SLC22A15: variants seen among roughly 807,000 people sequenced by gnomAD.
SLC22A15 encodes the protein flipt 1.
A neutral mutation model predicts 62.7 loss-of-function variants in SLC22A15; 45 were observed. That is an observed-to-expected ratio of 0.72 (90% CI 0.56 to 0.92). The LOEUF (loss-of-function observed/expected upper bound fraction) is 0.92, where lower values mean the gene tolerates loss of function less well. Ranked by LOEUF, SLC22A15 falls within the 40% of genes least tolerant of loss-of-function variation. The probability of loss-of-function intolerance (pLI) is 0.00; values close to 1 mark genes in which losing one functional copy is unlikely to be tolerated. For missense variants in SLC22A15, 622 were observed against 665.6 expected, an observed-to-expected ratio of 0.93 and a Z score of 0.72; for synonymous variants, 264 against 267.0, an observed-to-expected ratio of 0.99 and a Z score of 0.11.
Position 116,027,030 on chromosome 1 carries a change from G to GT in SLC22A15, c.728+13dup, listed in dbSNP as rs1287942048. ...GGTCTTTCTCTTATCTTTGTAAGTA[G>GT]TTTTTCCTCTTAGAGTTTTAATTTA... On this transcript the variant is annotated intron_variant, in intron 5 of 11. Transcript: ENST00000369503. The GT allele has an allele frequency of 6.8e-6, 11 of 1,611,882 alleles. No individual in the cohort carries two copies. The Admixed American group carries it at 8.4e-5, about 12-fold the overall frequency.
Position 116,026,913 on chromosome 1 carries a change from T to A in SLC22A15, c.619T>A (p.Phe207Ile). 6.2e-7 allele frequency: 1 copy of A among 1,613,620 alleles called. No homozygotes were observed. The highest frequency in any genetic ancestry group is 2.2e-5 in the East Asian group (1 of 44,870). ...ALAGSIGGLF[F>I]AVGIAQYALL... Reference sequence around the variant, plus strand: ...ATTAGGATCGATTGGCGGCCTGTTCTTTGCAGTTGGCATTGCCCAATATGC... The same window carrying A: ...ATTAGGATCGATTGGCGGCCTGTTCATTGCAGTTGGCATTGCCCAATATGC... The change falls in exon 5 of 12, where the codon TTT becomes ATT. Residue 207 changes from phenylalanine to isoleucine, a missense_variant. Phe to Ile is a conservative substitution (Grantham distance 21). Transcript: ENST00000369503.
intron 1 of SLC22A15, among the ~76,000 whole-genome samples, chr1:115,987,164 ATTTTTTTTTT>A (rs1157832035): frequency 7.2e-6 from 1 of 137,988 alleles, no homozygotes; most frequent in African/African-American, 2.8e-5. Flanking sequence ...ATGTAGATAG[ATTTTTTTTTT>A]TTTTTTTTTG....
At position 116,027,006 on chromosome 1, in the gene SLC22A15, G is replaced by A. The variant is rs1426815204; in HGVS notation, c.712G>A (p.Val238Ile). 1 of 1,613,484 alleles carries A rather than the reference G, an allele frequency of 6.2e-7. No homozygotes were observed. The highest frequency in any genetic ancestry group is 8.5e-7 in the Non-Finnish European group (1 of 1,179,724). ...TCTGGTTAACCTGCAGGGAACGGTG[G>A]TCTTTCTCTTATCTTTGTAAGTAGT... ...AILVNLQGTV[V>I]FLLSLFIPES... Residue 238 changes from valine (V) to isoleucine (I), a missense_variant, in exon 5 of 12, where the codon GTC becomes ATC. Val to Ile is a conservative substitution (Grantham distance 29). Transcript: ENST00000369503.
intron 6 of SLC22A15, 50 bp downstream of exon 6, chr1:116,031,631 G>C (rs768139698): frequency 6.2e-7 from 1 of 1,603,960 alleles, no homozygotes; most frequent in Non-Finnish European, 8.5e-7. Flanking sequence ...GGTTGCTCGA[G>C]CTTCTCTTGA....
intron 2 of SLC22A15, chr1:116,015,411 G>A (rs188588077): frequency 6.6e-6 from 1 of 152,126 alleles, no homozygotes; most frequent in African/African-American, 2.4e-5. Flanking sequence ...CTGAGAATCA[G>A]AATTTGGAAT....
At chr1:116,046,008 C>T (rs1393489547) in intron 8 of SLC22A15, among the ~76,000 whole-genome samples, 1 of 151,962 alleles carries the variant, frequency 6.6e-6, no homozygotes, top group Admixed American at 6.6e-5. Flanking sequence ...GAAAACATAA[C>T]CTTTTTAAAA....
intron 1 of SLC22A15, among the ~76,000 whole-genome samples, chr1:115,978,443 A>C (rs1245210426): frequency 6.6e-6 from 1 of 152,150 alleles, no homozygotes; most frequent in Non-Finnish European, 1.5e-5. Flanking sequence ...TGGATGATTT[A>C]TGGTCAGTAT....
chr1:116,032,182 T>G, intron 6 of SLC22A15: 2 of 985,428 alleles, frequency 2.0e-6, no homozygotes, highest in Non-Finnish European at 2.4e-6. Flanking sequence ...TTTCTGGTTG[T>G]TTAGCTTATT....
chr1:116,055,938 C>T (rs1658195889), intron 8 of SLC22A15, among the ~76,000 whole-genome samples: 1 of 147,056 alleles, frequency 6.8e-6, no homozygotes, highest in Non-Finnish European at 1.5e-5. Context: ...GACAAACCCA[C>T]AGGCAATATC....
intron 9 of SLC22A15, among the ~76,000 whole-genome samples, chr1:116,063,299 T>C (rs1658425529): frequency 6.6e-6 from 1 of 152,226 alleles, no homozygotes. Flanking sequence ...GATAATTTCA[T>C]ATAGTAATAA....
rs559932803 is a variant in SLC22A15, at chr1:116,019,690, G to A, written c.409G>A (p.Gly137Arg). Reference sequence around the variant, plus strand: ...TTTTGGTCAGCTTTCAGATCGCTTCGGAAGGAAAAAAGTCTATCTCACAGG... The same window carrying A: ...TTTTGGTCAGCTTTCAGATCGCTTCAGAAGGAAAAAAGTCTATCTCACAGG... The part of the protein sequence containing the change: ...ISFGQLSDRF[G>R]RKKVYLTGFA... The change falls in exon 3 of 12, where the codon GGA becomes AGA. Residue 137 changes from glycine to arginine, a missense_variant. Physicochemically the swap from Gly to Arg is moderately radical, Grantham distance 125. Coordinates refer to ENST00000369503, the MANE Select transcript of SLC22A15 (RefSeq NM_018420.3). 3.2e-5 allele frequency: 52 copies of A among 1,612,350 alleles called. No individual in the cohort carries two copies. The highest frequency in any genetic ancestry group is 1.7e-4 in the Middle Eastern group (1 of 6,058).
At chr1:116,023,548 A>G (rs1459414337) in intron 4 of SLC22A15, among the ~76,000 whole-genome samples, 3 of 152,204 alleles carry the variant, frequency 2.0e-5, no homozygotes, top group Non-Finnish European at 4.4e-5. Flanking sequence ...TCATTTATTA[A>G]ACGGATTCTG....
chr1:115,991,474 T>C (rs916386249), intron 1 of SLC22A15, among the ~76,000 whole-genome samples: 3 of 152,220 alleles, frequency 2.0e-5, no homozygotes, highest in Non-Finnish European at 2.9e-5. Flanking sequence ...CTGTATATCA[T>C]ATTTTAAAAT....
At chr1:116,058,054 T>TAAG (rs1327868174) in intron 8 of SLC22A15, among the ~76,000 whole-genome samples, 5 of 149,040 alleles carry the variant, frequency 3.4e-5, no homozygotes, top group African/African-American at 1.2e-4. Context: ...ACTTAAAGTA[T>TAAG]AATAATAATA....
intron 4 of SLC22A15, 28 bp from the exon 5 acceptor site, chr1:116,026,865 A>G: frequency 6.2e-7 from 1 of 1,610,250 alleles, no homozygotes; most frequent in South Asian, 1.1e-5. Flanking sequence ...TGCTTTCTCC[A>G]GTGACAGTTC....
At chr1:115,983,271 T>G (rs1252083139) in intron 1 of SLC22A15, among the ~76,000 whole-genome samples, 1 of 152,242 alleles carries the variant, frequency 6.6e-6, no homozygotes, top group Non-Finnish European at 1.5e-5. Flanking sequence ...CTTTTAAAAT[T>G]ATGAGACATT....
At chr1:116,041,296 C>T (rs1657778578) in intron 8 of SLC22A15, among the ~76,000 whole-genome samples, 1 of 152,056 alleles carries the variant, frequency 6.6e-6, no homozygotes, top group South Asian at 2.1e-4. Context: ...AGTTCCTGGT[C>T]TCAAAGAATT....
chr1:116,055,758 A>T (rs1426871489), intron 8 of SLC22A15, among the ~76,000 whole-genome samples: 1 of 146,508 alleles, frequency 6.8e-6, no homozygotes, highest in Non-Finnish European at 1.5e-5. Flanking sequence ...AATATAGGCA[A>T]ATCAATAAAT....
At position 116,035,363 on chromosome 1, in the gene SLC22A15, G is replaced by A. The variant is rs1657595972; in HGVS notation, c.1085+36G>A. Reference sequence around the variant, plus strand: ...GTGGATGAATATGAAGTGCACCGTAGAGAATGCACACATACACATATGCCC... The same window carrying A: ...GTGGATGAATATGAAGTGCACCGTAAAGAATGCACACATACACATATGCCC... On this transcript the variant is annotated intron_variant, in intron 7 of 11. Coordinates refer to ENST00000369503, the MANE Select transcript of SLC22A15 (RefSeq NM_018420.3). 2 of 1,577,508 alleles carry A rather than the reference G, an allele frequency of 1.3e-6. 1 individual carries two copies. The highest frequency in any genetic ancestry group is 1.7e-6 in the Non-Finnish European group (2 of 1,156,188).
Sources: allele counts gnomAD v4.1 joint callset (sites outside exome capture counted in the v4.1 genomes callset), GRCh38; gene constraint gnomAD v4.1.1; transcripts MANE v1.5; gene names NCBI Gene and HGNC (gene_info 2026-07-23, HGNC 2026-07-21).